Variants in NAA16 observed in about 807,000 individuals in gnomAD.
The protein encoded by NAA16 is NARG1-like protein.
NAA16 carries 97 observed loss-of-function variants against 110.3 expected under a neutral mutation model. The ratio of observed to expected loss-of-function variants is 0.88; its 90% CI spans 0.75 to 1.04. NAA16 has a LOEUF of 1.04. Among genes scored for constraint, NAA16 ranks in the 50% least tolerant of loss-of-function variants. NAA16 has a pLI of 0.00. For missense variants in NAA16, 1,017 were observed against 1,005.1 expected, an observed-to-expected ratio of 1.01 and a Z score of -0.16; for synonymous variants, 372 against 330.6, an observed-to-expected ratio of 1.13 and a Z score of -1.36.
At chr13:41,336,567 G>A (rs2139430377) in intron 8 of NAA16, 83 bp from the exon 9 acceptor site, 1 of 830,476 alleles carries the variant, frequency 1.2e-6, no homozygotes, top group Non-Finnish European at 1.9e-6. Flanking sequence ...TTGCTTCTGA[G>A]GGAGCTTTAT....
intron 1 of NAA16, among the ~76,000 whole-genome samples, chr13:41,315,884 C>G (rs1288442459): frequency 6.6e-6 from 1 of 152,060 alleles, no homozygotes. Context: ...ATCCTCCCAC[C>G]TCAGCCTCCC....
In NAA16 at chr13:41,369,347, A is replaced by G. The variant is rs529637966; in HGVS notation, c.1947+64A>G. 2.6e-5 allele frequency: 34 copies of G among 1,324,376 alleles called. No homozygotes were observed. The African/African-American group carries it at 4.9e-4, about 19-fold the overall frequency. 82.0% of individuals were successfully genotyped at this position (1,324,376 alleles called of 1,614,324 possible). ...TTATGCTATTTGGTTCCGTTCTGAC[A>G]GTTAACATGATTTATTTAAATCTGT... On this transcript the variant is annotated intron_variant, in intron 15 of 19. Coordinates refer to ENST00000379406, the MANE Select transcript of NAA16 (RefSeq NM_024561.5).
intron 8 of NAA16, among the ~76,000 whole-genome samples, chr13:41,332,125 C>G (rs545966219): frequency 2.6e-5 from 4 of 151,976 alleles, no homozygotes; most frequent in African/African-American, 9.7e-5. Context: ...AGTGCAGTGG[C>G]GCAATCACTG....
intron 4 of NAA16, among the ~76,000 whole-genome samples, chr13:41,322,035 G>T (rs1566245067): frequency 6.6e-6 from 1 of 152,180 alleles, no homozygotes; most frequent in East Asian, 1.9e-4. Context: ...ATGAGGCATA[G>T]AAATTAAGAA....
At chr13:41,332,059 T>C (rs148877580) in intron 8 of NAA16, among the ~76,000 whole-genome samples, 125 of 152,256 alleles carry the variant, frequency 8.2e-4, no homozygotes, top group African/African-American at 2.8e-3. Flanking sequence ...GAAGTTTTTG[T>C]GTTTTTGTTT....
rs1212227158 is a variant in NAA16, at chr13:41,316,495, C to T, written c.55-351C>T. Among the ~76,000 whole-genome samples the T allele has an allele frequency of 7.2e-5, 11 of 151,886 alleles. No homozygotes were observed. In the East Asian group the frequency reaches 1.7e-3, roughly 24 times the overall value. On this transcript the variant is annotated intron_variant, in intron 1 of 19. Transcript: ENST00000379406. Reference sequence around the variant, plus strand: ...CTAATTTTTGTATTTTTAGTAGAGACGGTTTCACCATGTTGGCCAGGTTGG... The same window carrying T: ...CTAATTTTTGTATTTTTAGTAGAGATGGTTTCACCATGTTGGCCAGGTTGG...
chr13:41,329,776 G>A (rs977872078), intron 7 of NAA16, among the ~76,000 whole-genome samples: 1 of 151,612 alleles, frequency 6.6e-6, no homozygotes, highest in Admixed American at 6.6e-5. Flanking sequence ...TGAAAACATG[G>A]GTTAACTACG....
At chr13:41,357,940 C>T (rs1298561807) in intron 10 of NAA16, among the ~76,000 whole-genome samples, 7 of 152,220 alleles carry the variant, frequency 4.6e-5, no homozygotes, top group Non-Finnish European at 1.0e-4. Context: ...TGAAATCTTG[C>T]AGTGGTAGTT....
Position 41,311,493 on chromosome 13 carries a change from C to G in NAA16, c.-36C>G. On this transcript the variant is annotated 5_prime_UTR_variant, in exon 1 of 20. Coordinates refer to ENST00000379406, the MANE Select transcript of NAA16 (RefSeq NM_024561.5). Reference sequence around the variant, plus strand: ...GAAGCGGAGCGCCCGGGCACCTAGCCTCCCTGCCGGCCACCTAGCCTCCCT... The same window carrying G: ...GAAGCGGAGCGCCCGGGCACCTAGCGTCCCTGCCGGCCACCTAGCCTCCCT... The G allele has an allele frequency of 1.3e-6, 2 of 1,571,834 alleles. No homozygotes were observed. Among genetic ancestry groups the G allele is most frequent in the South Asian group, 2.3e-5 (2 of 85,692 alleles).
chr13:41,372,898 CTGT>C, intron 17 of NAA16, 68 bp downstream of exon 17: 1 of 1,348,946 alleles, frequency 7.4e-7, no homozygotes, highest in Non-Finnish European at 9.6e-7. Context: ...TGTTAAATCT[CTGT>C]TGATCTGATA....
Position 41,325,729 on chromosome 13 carries a change from G to T in NAA16, c.569G>T (p.Ser190Ile). 6.3e-7 allele frequency: 1 copy of T among 1,590,916 alleles called. No homozygotes were observed. The highest frequency in any genetic ancestry group is 2.3e-5 in the East Asian group (1 of 44,432). ...CCAAACAAAATAGATTATGAATATA[G>T]TGAATTGATATTATACCAGAATCAA... ...VPPNKIDYEYSELILYQNQVM... is the reference protein window; with the variant it reads ...VPPNKIDYEYIELILYQNQVM... Residue 190 changes from serine to isoleucine, a missense_variant, in exon 6 of 20, where the codon AGT (serine) becomes ATT (isoleucine). Transcript: ENST00000379406.
At chr13:41,366,840 C>A (rs541021232) in intron 13 of NAA16, among the ~76,000 whole-genome samples, 1 of 152,208 alleles carries the variant, frequency 6.6e-6, no homozygotes, top group South Asian at 2.1e-4. Flanking sequence ...TTATTCTTAA[C>A]TTAGATTAAA....
intron 6 of NAA16, 82 bp from the exon 7 acceptor site, chr13:41,328,642 C>A: frequency 8.6e-7 from 1 of 1,162,200 alleles, no homozygotes; most frequent in Non-Finnish European, 1.2e-6. Context: ...ACCATCTGTT[C>A]ACTGATAATG....
chr13:41,313,813 A>C (rs1179000571), intron 1 of NAA16, among the ~76,000 whole-genome samples: 1 of 151,636 alleles, frequency 6.6e-6, no homozygotes, highest in Admixed American at 6.6e-5. Context: ...TGAGACTAGA[A>C]TCTATCATTT....
chr13:41,358,449 C>A lies in NAA16; in HGVS notation c.1233C>A (p.Phe411Leu). ...IASTPTLIEL[F>L]YMKAKIYKHI... is the part of the protein sequence containing the mutation. ...GTACTCCAACTCTAATAGAATTATT[C>A]TATATGAAAGCAAAAATTTACAAGG... Residue 411 changes from phenylalanine to leucine, a missense_variant, in exon 11 of 20, where the codon TTC becomes TTA. Phe to Leu is a conservative substitution (Grantham distance 22, BLOSUM62 0). Coordinates refer to ENST00000379406, the MANE Select transcript of NAA16 (RefSeq NM_024561.5). The A allele has an allele frequency of 3.1e-6, 5 of 1,613,146 alleles. No individual in the cohort carries two copies. The highest frequency in any genetic ancestry group is 4.2e-6 in the Non-Finnish European group (5 of 1,179,288).
chr13:41,323,033 G>A lies in NAA16; in HGVS notation c.403-23G>A, dbSNP rs1593419276. 6 of 1,607,908 alleles carry A rather than the reference G, an allele frequency of 3.7e-6. No homozygotes were observed. In the East Asian group the frequency reaches 8.9e-5, roughly 24 times the overall value. On this transcript the variant is annotated intron_variant, in intron 4 of 19. Transcript: ENST00000379406. ...GAAATAATGTTTTAGAGAATATTTA[G>A]CAAGTTAAAACTTTTTTTTTAGGAG...
chr13:41,333,291 T>C (rs1247991251), intron 8 of NAA16, among the ~76,000 whole-genome samples: 1 of 152,158 alleles, frequency 6.6e-6, no homozygotes, highest in Non-Finnish European at 1.5e-5. Context: ...CCATATACCG[T>C]AAAACTCACT....
At chr13:41,318,196 T>C (rs554951927) in intron 2 of NAA16, among the ~76,000 whole-genome samples, 1 of 150,904 alleles carries the variant, frequency 6.6e-6, no homozygotes, top group East Asian at 1.9e-4. Context: ...GACTCATGTC[T>C]GCTTTGTAAT....
At position 41,358,857 on chromosome 13, in the gene NAA16, G is replaced by A. The variant is rs1340872449; in HGVS notation, c.1305G>A (p.Gln435=). 13 of 1,612,166 alleles carry A rather than the reference G, an allele frequency of 8.1e-6. No homozygotes were observed. The highest frequency in any genetic ancestry group is 3.3e-5 in the South Asian group (3 of 90,894). The change falls in exon 12 of 20, where the codon CAG becomes CAA. Residue 435 remains glutamine (Q), a synonymous_variant. Coordinates refer to ENST00000379406, the MANE Select transcript of NAA16 (RefSeq NM_024561.5). ...CTGCAAAGTGGATGGATGAAGCACA[G>A]TCTTTGGACACAGCTGATAGATTCA... ...KEAAKWMDEA[Q]SLDTADRFIN... is the part of the protein sequence containing the mutation.
Sources: gnomAD v4.1 joint callset for allele counts (sites outside exome capture counted in the v4.1 genomes callset) on GRCh38, gnomAD v4.1.1 for gene constraint, MANE v1.5 for transcripts, NCBI Gene and HGNC (gene_info 2026-07-23, HGNC 2026-07-21) for gene names.